SCML2: variants seen among roughly 807,000 people sequenced by gnomAD.
SCML2 encodes the protein sex comb on midleg-like protein 2.
A neutral mutation model predicts 48.4 loss-of-function variants in SCML2; 6 were observed. That is an observed-to-expected ratio of 0.12 (90% CI 0.07 to 0.24). The LOEUF (loss-of-function observed/expected upper bound fraction) is 0.24, where lower values mean the gene tolerates loss of function less well. Among genes scored for constraint, SCML2 ranks in the 10% least tolerant of loss-of-function variants. The pLI is 1.00. For synonymous variants in SCML2, 181 were observed against 189.5 expected, an observed-to-expected ratio of 0.95 and a Z score of 0.37; for missense variants, 377 against 528.2, an observed-to-expected ratio of 0.71 and a Z score of 2.81.
intron 6 of SCML2, among the ~76,000 whole-genome samples, chrX:18,312,627 C>T (rs147952175): frequency 9.1e-6 from 1 of 110,015 alleles, no homozygotes; most frequent in African/African-American, 3.3e-5. Context: ...TTTGAAGGTA[C>T]AGTCAATAGG....
At chrX:18,328,974 T>C (rs1476025) in intron 3 of SCML2, among the ~76,000 whole-genome samples, 70 of 111,267 alleles carry the variant, frequency 6.3e-4, no homozygotes, top group African/African-American at 2.1e-3. Flanking sequence ...AAAGTAGACC[T>C]GTGTTTGCCT....
At position 18,353,311 on chromosome X, in the gene SCML2, AATTGCTCATC is replaced by A. The variant is rs1251363128; in HGVS notation, c.-25+1271_-25+1280del. 6.2e-5 allele frequency among the ~76,000 whole-genome samples: 7 copies of A among 112,529 alleles called. No individual in the cohort carries two copies. The Admixed American group carries it at 6.6e-4, about 11-fold the overall frequency. On this transcript the variant is annotated intron_variant, in intron 1 of 14. Coordinates refer to ENST00000251900, the MANE Select transcript of SCML2 (RefSeq NM_006089.3). ...CGTTTATGAACCATTGTTATAAAAC[AATTGCTCATC>A]ATAGGCAGCTGTACTCCATAAATGT...
chrX:18,253,326 T>A (rs895815622), intron 11 of SCML2, among the ~76,000 whole-genome samples: 1 of 111,757 alleles, frequency 8.9e-6, no homozygotes, highest in African/African-American at 3.2e-5. Context: ...GGTAGAAATC[T>A]GGAGCTTCTG....
At chrX:18,278,465 C>T (rs2147495994) in intron 7 of SCML2, among the ~76,000 whole-genome samples, 1 of 112,059 alleles carries the variant, frequency 8.9e-6, no homozygotes, top group Non-Finnish European at 1.9e-5. Context: ...GGGGGATCTA[C>T]CCGGGAAGGA....
intron 1 of SCML2, among the ~76,000 whole-genome samples, chrX:18,339,319 C>G (rs1401841226): frequency 8.9e-6 from 1 of 112,456 alleles, no homozygotes; most frequent in Non-Finnish European, 1.9e-5. Context: ...TACATTCTAG[C>G]TAAAGCCAAA....
chrX:18,246,505 G>C, intron 13 of SCML2, 72 bp downstream of exon 13: 1 of 1,090,057 alleles, frequency 9.2e-7, no homozygotes, highest in Non-Finnish European at 1.2e-6. Context: ...GATACTCTCA[G>C]GGGATGCTGT....
At chrX:18,309,046 G>A (rs997746360) in intron 6 of SCML2, among the ~76,000 whole-genome samples, 1 of 109,705 alleles carries the variant, frequency 9.1e-6, no homozygotes, top group Admixed American at 9.8e-5. Flanking sequence ...CTGTCTCTAC[G>A]AATAATACAA....
intron 2 of SCML2, among the ~76,000 whole-genome samples, chrX:18,331,955 G>C (rs1490136330): frequency 8.9e-6 from 1 of 112,155 alleles, no homozygotes; most frequent in Non-Finnish European, 1.9e-5. Flanking sequence ...TTTGGTGGGA[G>C]AGGAGAGGAT....
intron 1 of SCML2, among the ~76,000 whole-genome samples, chrX:18,346,317 T>C (rs1682370131): frequency 9.0e-6 from 1 of 111,198 alleles, no homozygotes; most frequent in Admixed American, 9.7e-5. Context: ...TGAGTTACCA[T>C]TATAGAATTC....
intron 8 of SCML2, among the ~76,000 whole-genome samples, chrX:18,262,842 T>C (rs901307410): frequency 9.2e-6 from 1 of 108,490 alleles, no homozygotes; most frequent in Non-Finnish European, 1.9e-5. Context: ...CAGCTTCCCA[T>C]GTAGCTGGGG....
chrX:18,298,120 G>A (rs1928457832), intron 7 of SCML2, among the ~76,000 whole-genome samples: 2 of 111,391 alleles, frequency 1.8e-5, no homozygotes, highest in Non-Finnish European at 3.8e-5. Context: ...AACTAATGAG[G>A]ACATGAACAA....
At chrX:18,350,570 C>T (rs1477108871) in intron 1 of SCML2, among the ~76,000 whole-genome samples, 4 of 96,428 alleles carry the variant, frequency 4.1e-5, no homozygotes, top group African/African-American at 1.5e-4. Flanking sequence ...AACGAGACTC[C>T]ATCTCGGAAA....
At chrX:18,354,156 CAA>C (rs1305689348) in intron 1 of SCML2, among the ~76,000 whole-genome samples, 2 of 112,979 alleles carry the variant, frequency 1.8e-5, no homozygotes, top group African/African-American at 3.2e-5. Flanking sequence ...TCCCAAACTC[CAA>C]AAGTTATCTC....
At chrX:18,314,441 A>G (rs1929051989) in intron 6 of SCML2, among the ~76,000 whole-genome samples, 1 of 111,346 alleles carries the variant, frequency 9.0e-6, no homozygotes, top group Non-Finnish European at 1.9e-5. Flanking sequence ...TATCACTACT[A>G]TTTCTGCTAA....
At chrX:18,261,958 C>T (rs916201054) in intron 8 of SCML2, among the ~76,000 whole-genome samples, 4 of 108,631 alleles carry the variant, frequency 3.7e-5, no homozygotes, top group Non-Finnish European at 5.7e-5. Flanking sequence ...AAATATTTAG[C>T]TTTGACTTTT....
At chrX:18,287,697 C>T (rs762186291) in intron 7 of SCML2, among the ~76,000 whole-genome samples, 2 of 111,783 alleles carry the variant, frequency 1.8e-5, no homozygotes, top group Admixed American at 9.5e-5. Flanking sequence ...AAATTTACAT[C>T]GTTTCCCTAC....
At chrX:18,281,479 A>G (rs111583685) in intron 7 of SCML2, among the ~76,000 whole-genome samples, 29,961 of 110,800 alleles carry the variant, frequency 0.27, 3,477 homozygotes, top group African/African-American at 0.44. Context: ...TGCGAGGCCA[A>G]GGCAGGTGGA....
At chrX:18,268,522 T>G (rs1927333641) in intron 7 of SCML2, among the ~76,000 whole-genome samples, 1 of 106,478 alleles carries the variant, frequency 9.4e-6, no homozygotes, top group Admixed American at 1.0e-4. Flanking sequence ...AGAGTGAAAC[T>G]TCATCTCAAA....
At chrX:18,264,112 A>G (rs1927172095) in intron 8 of SCML2, among the ~76,000 whole-genome samples, 1 of 111,177 alleles carries the variant, frequency 9.0e-6, no homozygotes, top group African/African-American at 3.3e-5. Context: ...TATTTCTTCA[A>G]ATATTTTTTC....
Sources: allele counts gnomAD v4.1 joint callset (sites outside exome capture counted in the v4.1 genomes callset), GRCh38; gene constraint gnomAD v4.1.1; transcripts MANE v1.5; gene names NCBI Gene and HGNC (gene_info 2026-07-23, HGNC 2026-07-21).